PCED1B: variants seen among roughly 807,000 people sequenced by gnomAD.
The protein encoded by PCED1B is PC-esterase domain containing 1B.
For synonymous variants in PCED1B, 251 were observed against 246.1 expected, an observed-to-expected ratio of 1.02 and a Z score of -0.19; for missense variants, 573 against 573.9, an observed-to-expected ratio of 1.00 and a Z score of 0.02.
Position 47,231,087 on chromosome 12 carries a change from C to A in PCED1B, c.-57-3920C>A, listed in dbSNP as rs545973824. On this transcript the variant is annotated intron_variant, in intron 3 of 3. Coordinates refer to ENST00000546455, the MANE Select transcript of PCED1B (RefSeq NM_138371.3). ...AGGTAGTATGATTCCAAACGCAATGCTCTTTGCTAATACTCTGTAGAGGGG... is the reference window on the plus strand; with the variant it reads ...AGGTAGTATGATTCCAAACGCAATGATCTTTGCTAATACTCTGTAGAGGGG... 7.2e-5 allele frequency among the ~76,000 whole-genome samples: 11 copies of A among 152,304 alleles called. No individual in the cohort carries two copies. The East Asian group carries it at 1.9e-3, about 27-fold the overall frequency.
chr12:47,232,190 T>G (rs1352467214), intron 3 of PCED1B, among the ~76,000 whole-genome samples: 1 of 152,230 alleles, frequency 6.6e-6, no homozygotes, highest in African/African-American at 2.4e-5. Context: ...GCTTCAGTTT[T>G]GTTTTGTTTT....
chr12:47,090,351 A>G (rs1410114747), intron 1 of PCED1B, among the ~76,000 whole-genome samples: 2 of 152,200 alleles, frequency 1.3e-5, no homozygotes, highest in Non-Finnish European at 2.9e-5. Context: ...AGATGCAGGC[A>G]TTTTGCAGAG....
intron 1 of PCED1B, among the ~76,000 whole-genome samples, chr12:47,090,957 A>G (rs542353308): frequency 2.0e-5 from 3 of 152,168 alleles, no homozygotes; most frequent in African/African-American, 7.2e-5. Context: ...ATTTTTGTCT[A>G]CTAACAAGTA....
intron 3 of PCED1B, among the ~76,000 whole-genome samples, chr12:47,228,046 T>TTC (rs1211373611): frequency 6.6e-6 from 1 of 151,396 alleles, no homozygotes; most frequent in Non-Finnish European, 1.5e-5. Context: ...TCCTTTTTTT[T>TTC]TTTTTGAGAC....
At chr12:47,112,270 T>C (rs1374732461) in intron 2 of PCED1B, among the ~76,000 whole-genome samples, 1 of 152,236 alleles carries the variant, frequency 6.6e-6, no homozygotes, top group African/African-American at 2.4e-5. Context: ...CTGCCAAACT[T>C]GCATCAGGGG....
chr12:47,172,204 T>C (rs1941766010), intron 2 of PCED1B, among the ~76,000 whole-genome samples: 1 of 152,196 alleles, frequency 6.6e-6, no homozygotes, highest in Non-Finnish European at 1.5e-5. Flanking sequence ...GCTCATGATT[T>C]CTGCCTCTTT....
At chr12:47,137,383 C>T (rs1221352646) in intron 2 of PCED1B, among the ~76,000 whole-genome samples, 3 of 152,172 alleles carry the variant, frequency 2.0e-5, no homozygotes, top group African/African-American at 7.2e-5. Context: ...AATAATTTAT[C>T]TGTTATTGGA....
chr12:47,156,830 C>G (rs1423758309), intron 2 of PCED1B, among the ~76,000 whole-genome samples: 2 of 152,070 alleles, frequency 1.3e-5, no homozygotes, highest in Non-Finnish European at 2.9e-5. Context: ...GAGTTTGAAG[C>G]TCTCCTTCGT....
At chr12:47,229,163 C>T (rs1943722668) in intron 3 of PCED1B, among the ~76,000 whole-genome samples, 1 of 151,962 alleles carries the variant, frequency 6.6e-6, no homozygotes, top group South Asian at 2.1e-4. Flanking sequence ...CCTGTCATCC[C>T]AGCACTGTGG....
chr12:47,105,548 C>T (rs181061946), intron 2 of PCED1B, among the ~76,000 whole-genome samples: 1 of 152,092 alleles, frequency 6.6e-6, no homozygotes, highest in Non-Finnish European at 1.5e-5. Flanking sequence ...CGGACTAGGG[C>T]CTGAGGTCAT....
At chr12:47,202,528 G>T (rs1168817051) in intron 2 of PCED1B, among the ~76,000 whole-genome samples, 1 of 135,892 alleles carries the variant, frequency 7.4e-6, no homozygotes, top group Non-Finnish European at 1.5e-5. Flanking sequence ...AGTTTGATCT[G>T]ATTCTATGTG....
intron 1 of PCED1B, among the ~76,000 whole-genome samples, chr12:47,086,027 A>G (rs1937964953): frequency 6.6e-6 from 1 of 152,226 alleles, no homozygotes; most frequent in African/African-American, 2.4e-5. Flanking sequence ...ACTGTGTGCT[A>G]GGCGCTATTC....
At chr12:47,130,951 C>T (rs74083861) in intron 2 of PCED1B, among the ~76,000 whole-genome samples, 3,752 of 152,220 alleles carry the variant, frequency 0.025, 148 homozygotes, top group African/African-American at 0.083. Flanking sequence ...TGAGATGTGT[C>T]AAGCAATTAC....
At chr12:47,166,015 C>T (rs896630143) in intron 2 of PCED1B, among the ~76,000 whole-genome samples, 1 of 152,160 alleles carries the variant, frequency 6.6e-6, no homozygotes, top group Non-Finnish European at 1.5e-5. Flanking sequence ...CCCACTCCCC[C>T]ACCACGAGAC....
Position 47,236,021 on chromosome 12 carries a change from C to A in PCED1B, c.958C>A (p.Pro320Thr), listed in dbSNP as rs1654959454. Reference protein sequence around the residue: ...LPLLPLLSPQPPPPILHHQGM... With the variant: ...LPLLPLLSPQTPPPILHHQGM... ...GCTGCTCCCGCTCCTGTCCCCACAG[C>A]CTCCTCCTCCCATTCTCCATCACCA... The change falls in exon 4 of 4, where the codon CCT becomes ACT. Residue 320 changes from proline (P) to threonine (T), a missense_variant. Physicochemically the swap from Pro to Thr is conservative, Grantham distance 38. Coordinates refer to ENST00000546455, the MANE Select transcript of PCED1B (RefSeq NM_138371.3). 1 of 1,613,590 alleles carries A rather than the reference C, an allele frequency of 6.2e-7. No homozygotes were observed. Among genetic ancestry groups the A allele is most frequent in the Admixed American group, 1.7e-5 (1 of 59,966 alleles).
chr12:47,101,275 G>A (rs991105713), intron 1 of PCED1B, among the ~76,000 whole-genome samples: 12 of 152,094 alleles, frequency 7.9e-5, no homozygotes, highest in Non-Finnish European at 1.2e-4. Context: ...GTTTGAGGTG[G>A]GGCTGGGGAG....
At position 47,235,896 on chromosome 12, in the gene PCED1B, C is replaced by T. The variant is rs759303227; in HGVS notation, c.833C>T (p.Pro278Leu). 5.0e-6 allele frequency: 8 copies of T among 1,598,770 alleles called. No individual in the cohort carries two copies. The highest frequency in any genetic ancestry group is 6.8e-6 in the Non-Finnish European group (8 of 1,172,932). The part of the protein sequence containing the change: ...KKKPGPRVEG[P>L]PQANRNHPAL... ...AAACCTGGCCCGAGAGTCGAAGGGC[C>T]GCCCCAGGCCAACAGAAATCACCCG... Residue 278 changes from proline (P) to leucine (L), a missense_variant, in exon 4 of 4, where the codon CCG (proline) becomes CTG (leucine). By Grantham distance (98) the Pro-to-Leu change is moderately conservative (BLOSUM62 -3). Transcript: ENST00000546455.
intron 2 of PCED1B, among the ~76,000 whole-genome samples, chr12:47,206,963 C>T (rs531690511): frequency 6.6e-6 from 1 of 152,286 alleles, no homozygotes; most frequent in South Asian, 2.1e-4. Flanking sequence ...ATTCGAATGG[C>T]CAGGGACTTT....
At chr12:47,218,477 C>G (rs1005531329) in intron 3 of PCED1B, among the ~76,000 whole-genome samples, 14 of 152,104 alleles carry the variant, frequency 9.2e-5, no homozygotes, top group African/African-American at 3.4e-4. Flanking sequence ...TCCTCTACAA[C>G]ATAGTGTGAG....
Sources: allele counts gnomAD v4.1 joint callset (sites outside exome capture counted in the v4.1 genomes callset), GRCh38; gene constraint gnomAD v4.1.1; transcripts MANE v1.5; gene names NCBI Gene and HGNC (gene_info 2026-07-23, HGNC 2026-07-21).